CCSER1: variants seen among roughly 807,000 people sequenced by gnomAD.
CCSER1 encodes the protein serine-rich coiled-coil domain-containing protein 1.
In CCSER1, 41 loss-of-function variants were observed where a neutral mutation model predicts 82.0. The observed-to-expected ratio is 0.50, with a 90% confidence interval of 0.39 to 0.65. The LOEUF (loss-of-function observed/expected upper bound fraction) is 0.65, where lower values mean the gene tolerates loss of function less well. Ranked by LOEUF, CCSER1 falls within the 30% of genes least tolerant of loss-of-function variation. The pLI is 0.00. For synonymous variants in CCSER1, 414 were observed against 383.9 expected, an observed-to-expected ratio of 1.08 and a Z score of -0.92; for missense variants, 1,119 against 1,064.2, an observed-to-expected ratio of 1.05 and a Z score of -0.72.
At chr4:91,150,953 A>G (rs186071306) in intron 10 of CCSER1, among the ~76,000 whole-genome samples, 1 of 152,148 alleles carries the variant, frequency 6.6e-6, no homozygotes, top group Admixed American at 6.6e-5. Flanking sequence ...TGTCTCTGCC[A>G]GGCTTTGGTA....
At chr4:91,496,501 C>T (rs942983421) in intron 10 of CCSER1, among the ~76,000 whole-genome samples, 2 of 136,538 alleles carry the variant, frequency 1.5e-5, no homozygotes, top group Non-Finnish European at 3.2e-5. Context: ...TATGTATTTG[C>T]CTGGTGTAAA....
intron 10 of CCSER1, among the ~76,000 whole-genome samples, chr4:91,298,664 A>G (rs991257526): frequency 1.3e-5 from 2 of 152,002 alleles, no homozygotes; most frequent in African/African-American, 4.8e-5. Flanking sequence ...TAGGAAAAAA[A>G]CCTTCTTTAC....
chr4:90,815,696 C>T, intron 7 of CCSER1, 66 bp from the exon 8 acceptor site: 1 of 1,148,926 alleles, frequency 8.7e-7, no homozygotes, highest in Non-Finnish European at 1.2e-6. Flanking sequence ...GTGAAGCTGA[C>T]TTTCCTTATC....
intron 9 of CCSER1, among the ~76,000 whole-genome samples, chr4:90,980,061 A>G (rs909540899): frequency 2.6e-5 from 4 of 151,868 alleles, no homozygotes; most frequent in African/African-American, 9.7e-5. Context: ...GTAAGGAGAT[A>G]AATAATCAGG....
At chr4:91,535,033 A>C (rs1271024812) in intron 10 of CCSER1, among the ~76,000 whole-genome samples, 1 of 151,846 alleles carries the variant, frequency 6.6e-6, no homozygotes, top group Admixed American at 6.6e-5. Flanking sequence ...ACTACAGATA[A>C]TTTTATTTTG....
At chr4:90,901,229 CT>C (rs993773439) in intron 8 of CCSER1, among the ~76,000 whole-genome samples, 8 of 150,444 alleles carry the variant, frequency 5.3e-5, no homozygotes, top group African/African-American at 1.7e-4. Context: ...TTGGGTCTCT[CT>C]TTTTTTTTAA....
intron 2 of CCSER1, among the ~76,000 whole-genome samples, chr4:90,311,695 A>G (rs1160449437): frequency 6.6e-6 from 1 of 152,214 alleles, no homozygotes; most frequent in Non-Finnish European, 1.5e-5. Flanking sequence ...CAATCATGTC[A>G]GAACTAATGA....
chr4:90,257,069 A>C (rs1365627186), intron 1 of CCSER1, among the ~76,000 whole-genome samples: 5 of 151,986 alleles, frequency 3.3e-5, no homozygotes, highest in African/African-American at 9.7e-5. Context: ...TGGGTAAGAG[A>C]GGGATTGCTA....
rs114870898 is a variant in CCSER1, at chr4:90,887,565, G to C, written c.2095-35805G>C. Among the ~76,000 whole-genome samples, 1,257 of 152,162 alleles carry C rather than the reference G, an allele frequency of 8.3e-3. 15 individuals carry two copies. The highest frequency in any genetic ancestry group is 0.029 in the African/African-American group (1,220 of 41,514). The stretch of plus-strand genomic sequence containing the variant: ...GAAATTCCAATTTCCAGAATATCTA[G>C]AAGAGATGTTAAATCTAATTTTTAA... On this transcript the variant is annotated intron_variant, in intron 8 of 10. Coordinates refer to ENST00000509176, the MANE Select transcript of CCSER1 (RefSeq NM_001145065.2).
intron 6 of CCSER1, chr4:90,663,971 A>G: frequency 1.0e-5 from 2 of 195,564 alleles, no homozygotes; most frequent in South Asian, 1.3e-4. Context: ...TTTAAAAGAT[A>G]AAAATTGGTT....
chr4:90,291,812 G>T (rs76109030), intron 1 of CCSER1, among the ~76,000 whole-genome samples: 1 of 151,854 alleles, frequency 6.6e-6, no homozygotes, highest in South Asian at 2.1e-4. Flanking sequence ...AGGTGAATTT[G>T]TTAATTATTG....
chr4:91,553,672 T>G (rs1464069953), intron 10 of CCSER1, among the ~76,000 whole-genome samples: 1 of 151,194 alleles, frequency 6.6e-6, no homozygotes, highest in East Asian at 1.9e-4. Context: ...TTCTATAAAT[T>G]TATCCATTTC....
At chr4:91,039,765 A>G (rs768315932) in intron 9 of CCSER1, among the ~76,000 whole-genome samples, 14 of 151,968 alleles carry the variant, frequency 9.2e-5, no homozygotes, top group Non-Finnish European at 2.1e-4. Context: ...TATATATAAT[A>G]TCCACGTATG....
intron 10 of CCSER1, among the ~76,000 whole-genome samples, chr4:91,140,194 G>A (rs1295266294): frequency 6.6e-6 from 1 of 151,542 alleles, no homozygotes; most frequent in Non-Finnish European, 1.5e-5. Context: ...TCCCTTCCTT[G>A]AACCACACCA....
At chr4:91,234,377 T>C (rs1187731429) in intron 10 of CCSER1, among the ~76,000 whole-genome samples, 1 of 152,058 alleles carries the variant, frequency 6.6e-6, no homozygotes, top group Non-Finnish European at 1.5e-5. Context: ...ATGGCTCTAA[T>C]AGATGTTTCA....
chr4:91,557,094 T>C (rs1209593862), intron 10 of CCSER1, among the ~76,000 whole-genome samples: 5 of 148,014 alleles, frequency 3.4e-5, no homozygotes, highest in Non-Finnish European at 6.0e-5. Context: ...AGGTTACACT[T>C]TGAAATTCTT....
intron 4 of CCSER1, among the ~76,000 whole-genome samples, chr4:90,439,921 CT>C (rs1759606330): frequency 6.6e-6 from 1 of 152,040 alleles, no homozygotes; most frequent in Non-Finnish European, 1.5e-5. Flanking sequence ...AATTATTTTT[CT>C]TTTCCTGAGT....
intron 8 of CCSER1, among the ~76,000 whole-genome samples, chr4:90,868,737 C>T (rs776019985): frequency 4.6e-5 from 7 of 152,014 alleles, no homozygotes; most frequent in African/African-American, 9.7e-5. Context: ...ATTGCTAGAT[C>T]GTATGGTAGC....
chr4:91,204,966 T>C (rs915635146), intron 10 of CCSER1, among the ~76,000 whole-genome samples: 45 of 151,762 alleles, frequency 3.0e-4, no homozygotes, highest in African/African-American at 1.1e-3. Context: ...TATATGGATG[T>C]AACATTTCTT....
Sources: gnomAD v4.1 joint callset for allele counts (sites outside exome capture counted in the v4.1 genomes callset) on GRCh38, gnomAD v4.1.1 for gene constraint, MANE v1.5 for transcripts, NCBI Gene and HGNC (gene_info 2026-07-23, HGNC 2026-07-21) for gene names.